Variants in JARID2 observed in about 807,000 individuals in gnomAD.
JARID2 encodes protein Jumonji.
A neutral mutation model predicts 125.6 loss-of-function variants in JARID2; 21 were observed. That is an observed-to-expected ratio of 0.17 (90% CI 0.12 to 0.24). The LOEUF is 0.24. JARID2 is among the 10% of genes least tolerant of loss of function. JARID2 has a pLI of 1.00. For missense variants in JARID2, 1,303 were observed against 1,639.6 expected (o/e 0.79, Z 3.55); for synonymous variants, 736 against 661.6 (o/e 1.11, Z -1.73).
chr6:15,300,848 T>C (rs1761598622), intron 1 of JARID2, among the ~76,000 whole-genome samples: 1 of 151,970 alleles, frequency 6.6e-6, no homozygotes, highest in Admixed American at 6.6e-5. Context: ...ACTCTGGTGT[T>C]GCACAGAAGT....
intron 1 of JARID2, among the ~76,000 whole-genome samples, chr6:15,272,986 G>T (rs1318413188): frequency 6.6e-6 from 1 of 152,064 alleles, no homozygotes; most frequent in African/African-American, 2.4e-5. Context: ...CTGGAGTTAG[G>T]TTAAGAGGTT....
chr6:15,377,280 T>C (rs1426567495), intron 2 of JARID2, among the ~76,000 whole-genome samples: 3 of 152,188 alleles, frequency 2.0e-5, no homozygotes, highest in East Asian at 3.8e-4. Context: ...GCACCTGTTA[T>C]ATGGCAGTGG....
chr6:15,494,770 A>G (rs928432281), intron 6 of JARID2, among the ~76,000 whole-genome samples: 1 of 152,112 alleles, frequency 6.6e-6, no homozygotes, highest in East Asian at 1.9e-4. Flanking sequence ...AAAGGTCACT[A>G]AGACTCATTA....
At chr6:15,367,766 TGCAG>T (rs1157354516) in intron 1 of JARID2, among the ~76,000 whole-genome samples, 1 of 152,226 alleles carries the variant, frequency 6.6e-6, no homozygotes, top group Non-Finnish European at 1.5e-5. Flanking sequence ...GATTATTAAA[TGCAG>T]GTGGTGCTGA....
At chr6:15,379,446 A>G (rs1764496591) in intron 2 of JARID2, among the ~76,000 whole-genome samples, 1 of 152,228 alleles carries the variant, frequency 6.6e-6, no homozygotes, top group Non-Finnish European at 1.5e-5. Flanking sequence ...TGCTGAGGCT[A>G]AAATTAGGGA....
intron 12 of JARID2, among the ~76,000 whole-genome samples, chr6:15,509,634 C>G (rs542068676): frequency 3.3e-4 from 50 of 152,364 alleles, no homozygotes; most frequent in African/African-American, 1.2e-3. Flanking sequence ...CAGGACTATT[C>G]CGAGAGGTGC....
At chr6:15,264,102 A>G (rs923527899) in intron 1 of JARID2, among the ~76,000 whole-genome samples, 3 of 152,322 alleles carry the variant, frequency 2.0e-5, no homozygotes, top group African/African-American at 7.2e-5. Flanking sequence ...GTAAGGCAAC[A>G]TAAGAGAAGT....
At chr6:15,383,008 G>A (rs1301477021) in intron 2 of JARID2, among the ~76,000 whole-genome samples, 1 of 152,136 alleles carries the variant, frequency 6.6e-6, no homozygotes, top group Non-Finnish European at 1.5e-5. Flanking sequence ...GCTATAGGGC[G>A]GAGGAGGTGG....
In JARID2 at chr6:15,504,600, A is replaced by C. The variant is rs1177552791; in HGVS notation, c.2541+8A>C. The C allele has an allele frequency of 6.3e-7, 1 of 1,598,094 alleles. No homozygotes were observed. Among genetic ancestry groups the C allele is most frequent in the Non-Finnish European group, 8.6e-7 (1 of 1,165,518 alleles). Reference sequence around the variant, plus strand: ...GCCCCAGCCGAAATCGAGGTGAGAGAAGGGGCCCCTCACGCTGCCTCTCAT... The same window carrying C: ...GCCCCAGCCGAAATCGAGGTGAGAGCAGGGGCCCCTCACGCTGCCTCTCAT... On this transcript the variant is annotated splice_region_variant and intron_variant, in intron 9 of 17. Coordinates refer to ENST00000341776, the MANE Select transcript of JARID2 (RefSeq NM_004973.4).
intron 1 of JARID2, among the ~76,000 whole-genome samples, chr6:15,338,945 A>G (rs1046917045): frequency 1.2e-4 from 18 of 152,184 alleles, no homozygotes; most frequent in Non-Finnish European, 2.5e-4. Context: ...GAGAGAGGTT[A>G]TGTTACTTTT....
intron 6 of JARID2, among the ~76,000 whole-genome samples, chr6:15,490,431 G>A (rs973672787): frequency 1.4e-4 from 22 of 152,142 alleles, no homozygotes; most frequent in African/African-American, 4.6e-4. Context: ...CCCCTCGTGC[G>A]AACTGGGCAA....
intron 17 of JARID2, among the ~76,000 whole-genome samples, chr6:15,519,732 G>A (rs994070263): frequency 1.3e-5 from 2 of 152,206 alleles, no homozygotes; most frequent in Non-Finnish European, 2.9e-5. Flanking sequence ...CACCATCCAG[G>A]ATGTAACAAA....
chr6:15,273,157 GC>G (rs1294609355), intron 1 of JARID2, among the ~76,000 whole-genome samples: 1 of 152,062 alleles, frequency 6.6e-6, no homozygotes, highest in Non-Finnish European at 1.5e-5. Flanking sequence ...GATGCCTTAT[GC>G]CTGGAAACAT....
chr6:15,304,688 C>T (rs185689137), intron 1 of JARID2, among the ~76,000 whole-genome samples: 195 of 152,294 alleles, frequency 1.3e-3, no homozygotes, highest in African/African-American at 4.4e-3. Context: ...CACCCATAGG[C>T]TGCTCTGTGA....
intron 1 of JARID2, among the ~76,000 whole-genome samples, chr6:15,296,808 C>A (rs1461113188): frequency 6.6e-6 from 1 of 152,208 alleles, no homozygotes; most frequent in African/African-American, 2.4e-5. Flanking sequence ...CTTGGGTGTT[C>A]CCAGCCCCCT....
chr6:15,332,753 TTG>T (rs138567462), intron 1 of JARID2, among the ~76,000 whole-genome samples: 2 of 152,084 alleles, frequency 1.3e-5, no homozygotes, highest in African/African-American at 4.8e-5. Flanking sequence ...AACAATTTTT[TTG>T]TGTGTGTGTT....
At chr6:15,419,879 A>C (rs970684258) in intron 3 of JARID2, among the ~76,000 whole-genome samples, 3 of 152,176 alleles carry the variant, frequency 2.0e-5, no homozygotes, top group Non-Finnish European at 4.4e-5. Context: ...CATTGAGTGT[A>C]TTAGGTTTGT....
chr6:15,513,833 C>T (rs1771401880), intron 16 of JARID2, among the ~76,000 whole-genome samples: 1 of 152,268 alleles, frequency 6.6e-6, no homozygotes, highest in Non-Finnish European at 1.5e-5. Context: ...CCTGGTGCAC[C>T]TGGGCCCATG....
chr6:15,292,189 T>G (rs1286159828), intron 1 of JARID2, among the ~76,000 whole-genome samples: 1 of 151,968 alleles, frequency 6.6e-6, no homozygotes, highest in Non-Finnish European at 1.5e-5. Context: ...GCTAATTTTT[T>G]TTTTTGTATT....
Sources: gnomAD v4.1 joint callset for allele counts (sites outside exome capture counted in the v4.1 genomes callset) on GRCh38, gnomAD v4.1.1 for gene constraint, MANE v1.5 for transcripts, NCBI Gene and HGNC (gene_info 2026-07-23, HGNC 2026-07-21) for gene names.